RALGPS1: variants seen among roughly 807,000 people sequenced by gnomAD.
RALGPS1 encodes ras-specific guanine nucleotide-releasing factor RalGPS1.
A neutral mutation model predicts 78.8 loss-of-function variants in RALGPS1; 19 were observed. The ratio of observed to expected loss-of-function variants is 0.24; its 90% CI spans 0.17 to 0.35. RALGPS1 has a LOEUF of 0.35. RALGPS1 is among the 10% of genes least tolerant of loss of function. The pLI, the probability that RALGPS1 is intolerant of heterozygous loss-of-function variation, is 1.00. For synonymous variants in RALGPS1, 228 were observed against 256.3 expected (o/e 0.89, Z 1.06); for missense variants, 454 against 688.3 (o/e 0.66, Z 3.81).
At chr9:127,064,081 A>C (rs144974970) in intron 7 of RALGPS1, among the ~76,000 whole-genome samples, 101 of 152,332 alleles carry the variant, frequency 6.6e-4, no homozygotes, top group African/African-American at 2.2e-3. Context: ...AAGCACAATC[A>C]TGATCAGTAT....
intron 8 of RALGPS1, among the ~76,000 whole-genome samples, chr9:127,153,118 A>G (rs2058515183): frequency 1.3e-5 from 2 of 152,304 alleles, no homozygotes; most frequent in African/African-American, 4.8e-5. Context: ...ATGACATAGT[A>G]TATGTGAGTG....
intron 14 of RALGPS1, chr9:127,210,867 A>G (rs930569155): frequency 8.6e-7 from 1 of 1,163,068 alleles, no homozygotes; most frequent in Admixed American, 2.1e-5. Flanking sequence ...AGGCTGCCGA[A>G]AGAAACAGAC....
chr9:127,044,615 A>G (rs896409998), intron 5 of RALGPS1, among the ~76,000 whole-genome samples: 3 of 152,062 alleles, frequency 2.0e-5, no homozygotes, highest in African/African-American at 7.2e-5. Context: ...GTACCTGTGC[A>G]GGTTTGTTAC....
At chr9:127,133,094 ACTGCATGG>A (rs1314544650) in intron 8 of RALGPS1, among the ~76,000 whole-genome samples, 3 of 152,338 alleles carry the variant, frequency 2.0e-5, no homozygotes, top group South Asian at 2.1e-4. Flanking sequence ...TAGGTGCATG[ACTGCATGG>A]CTGGCACATG....
At position 127,196,566 on chromosome 9, in the gene RALGPS1, C is replaced by G; in HGVS notation, c.1130C>G (p.Ser377Cys). The change falls in exon 13 of 19, where the codon TCC (serine) becomes TGC (cysteine). Residue 377 changes from serine (S) to cysteine (C), a missense_variant. Transcript: ENST00000259351. ...CTACTGGACGACAGTGTCCTAGAGT[C>G]CCGCAGCCCCCGAAGGGGCCTGGCT... Reference protein sequence around the residue: ...RHLLDDSVLESRSPRRGLALT... With the variant: ...RHLLDDSVLECRSPRRGLALT... 6.2e-7 allele frequency: 1 copy of G among 1,614,142 alleles called. No individual in the cohort carries two copies. The highest frequency in any genetic ancestry group is 8.5e-7 in the Non-Finnish European group (1 of 1,179,968).
chr9:127,177,607 C>T (rs556393473), intron 11 of RALGPS1, among the ~76,000 whole-genome samples: 35 of 152,284 alleles, frequency 2.3e-4, no homozygotes, highest in Admixed American at 6.5e-4. Context: ...CCCAGGTCTG[C>T]GCTGAGCAAC....
chr9:127,208,575 C>T (rs941123000), intron 14 of RALGPS1, among the ~76,000 whole-genome samples: 7 of 152,124 alleles, frequency 4.6e-5, no homozygotes, highest in Non-Finnish European at 7.4e-5. Flanking sequence ...CACAAAGCTT[C>T]GGTGGCAGCG....
intron 5 of RALGPS1, among the ~76,000 whole-genome samples, chr9:127,042,948 A>G (rs1435401068): frequency 6.6e-6 from 1 of 152,224 alleles, no homozygotes; most frequent in East Asian, 1.9e-4. Context: ...TAAAACTTAG[A>G]TATACCTCTA....
chr9:127,164,380 C>T (rs566914251), intron 8 of RALGPS1, among the ~76,000 whole-genome samples: 6 of 151,444 alleles, frequency 4.0e-5, no homozygotes, highest in Non-Finnish European at 7.4e-5. Flanking sequence ...GGATTACAGG[C>T]GCCCACCACC....
Position 127,194,864 on chromosome 9 carries a change from A to G in RALGPS1, c.911-227A>G, listed in dbSNP as rs114614229. On this transcript the variant is annotated intron_variant, in intron 11 of 18. Coordinates refer to ENST00000259351, the MANE Select transcript of RALGPS1 (RefSeq NM_014636.3). Reference sequence around the variant, plus strand: ...GGACAGCAGGACATTGACCATCCTGAGAGTTGGTTGTCAGCCTTGGGAGTC... The same window carrying G: ...GGACAGCAGGACATTGACCATCCTGGGAGTTGGTTGTCAGCCTTGGGAGTC... Among the ~76,000 whole-genome samples the G allele has an allele frequency of 6.3e-3, 954 of 152,270 alleles. 7 individuals carry two copies. The highest frequency in any genetic ancestry group is 0.022 in the African/African-American group (900 of 41,554).
intron 8 of RALGPS1, chr9:127,108,383 C>A: frequency 6.2e-7 from 1 of 1,609,848 alleles, no homozygotes; most frequent in Non-Finnish European, 8.5e-7. Context: ...ACCTCGCTCA[C>A]AATGCCGCCG....
intron 4 of RALGPS1, 26 bp downstream of exon 4, chr9:126,977,771 C>T (rs1271227062): frequency 6.5e-7 from 1 of 1,539,088 alleles, no homozygotes. Context: ...TTCTACTCTT[C>T]TATTCATGCT....
chr9:127,187,748 T>G (rs947073533), intron 11 of RALGPS1, among the ~76,000 whole-genome samples: 2 of 152,238 alleles, frequency 1.3e-5, no homozygotes, highest in African/African-American at 4.8e-5. Context: ...CTACATGGAT[T>G]TGTTTCTTGA....
intron 1 of RALGPS1, among the ~76,000 whole-genome samples, chr9:126,935,735 T>C (rs1198806590): frequency 6.6e-6 from 1 of 152,244 alleles, no homozygotes; most frequent in Non-Finnish European, 1.5e-5. Flanking sequence ...TCTCACATGC[T>C]CTCTGCTTTA....
chr9:127,214,199 A>C (rs2062445570), intron 17 of RALGPS1: 1 of 152,242 alleles, frequency 6.6e-6, no homozygotes. Context: ...TGGAAAAAAA[A>C]AATGCATCTT....
At chr9:127,137,037 G>T (rs969377427) in intron 8 of RALGPS1, among the ~76,000 whole-genome samples, 16 of 152,070 alleles carry the variant, frequency 1.1e-4, no homozygotes, top group Non-Finnish European at 1.8e-4. Flanking sequence ...TTGGGAGAGG[G>T]GTATATTTTT....
chr9:126,936,363 G>A (rs1391421793), intron 1 of RALGPS1, among the ~76,000 whole-genome samples: 3 of 152,260 alleles, frequency 2.0e-5, no homozygotes, highest in South Asian at 4.1e-4. Context: ...TCCAAAGCGA[G>A]GAGATTAAAG....
At chr9:127,055,129 A>G (rs1445594492) in intron 7 of RALGPS1, among the ~76,000 whole-genome samples, 1 of 152,126 alleles carries the variant, frequency 6.6e-6, no homozygotes, top group Non-Finnish European at 1.5e-5. Context: ...CTTCCAGGCC[A>G]TCTGGGTTGT....
intron 4 of RALGPS1, among the ~76,000 whole-genome samples, chr9:126,980,428 C>T (rs767165615): frequency 6.6e-6 from 1 of 152,174 alleles, no homozygotes; most frequent in Non-Finnish European, 1.5e-5. Flanking sequence ...TTACAAATGC[C>T]TAGGCTTCAG....
Sources: gnomAD v4.1 joint callset for allele counts (sites outside exome capture counted in the v4.1 genomes callset) on GRCh38, gnomAD v4.1.1 for gene constraint, MANE v1.5 for transcripts, NCBI Gene and HGNC (gene_info 2026-07-23, HGNC 2026-07-21) for gene names.